The following EGFR variants were observed in gnomAD, a reference collection of about 807,000 sequenced individuals.
The protein encoded by EGFR is epidermal growth factor receptor, also known as avian erythroblastic leukemia viral (v-erb-b) oncogene homolog.
Under a neutral mutation model 143.0 loss-of-function variants are expected in EGFR, and 58 were observed. The observed-to-expected ratio is 0.41, with a 90% confidence interval of 0.33 to 0.50. EGFR has a LOEUF of 0.50. Ranked by LOEUF, EGFR falls within the 20% of genes least tolerant of loss-of-function variation. The pLI is 0.39. For missense variants in EGFR, 1,307 were observed against 1,579.0 expected (o/e 0.83, Z 2.92); for synonymous variants, 613 against 594.4 (o/e 1.03, Z -0.45).
rs2128938765 is a variant in EGFR, at chr7:55,156,816, C to T, written c.1191C>T (p.Thr397=). Residue 397 remains threonine, a synonymous_variant, in exon 10 of 28, where the codon ACC becomes ACT. Coordinates refer to ENST00000275493, the MANE Select transcript of EGFR (RefSeq NM_005228.5). Reference sequence around the variant, plus strand: ...CACAGGAACTGGATATTCTGAAAACCGTAAAGGAAATCACAGGTTTGAGCT... The same window carrying T: ...CACAGGAACTGGATATTCTGAAAACTGTAAAGGAAATCACAGGTTTGAGCT... ...LDPQELDILK[T]VKEITGFLLI... 6.2e-7 allele frequency: 1 copy of T among 1,614,120 alleles called. No homozygotes were observed. Among genetic ancestry groups the T allele is most frequent in the East Asian group, 2.2e-5 (1 of 44,882 alleles).
intron 15 of EGFR, chr7:55,168,650 TA>T: frequency 6.8e-7 from 1 of 1,462,382 alleles, no homozygotes. Context: ...TGGAATTTTA[TA>T]AATATTTTCT....
At chr7:55,191,650 C>G (rs2128964200) in intron 20 of EGFR, 69 bp from the exon 21 acceptor site, 1 of 1,603,644 alleles carries the variant, frequency 6.2e-7, no homozygotes, top group South Asian at 1.1e-5. Flanking sequence ...TGAACATGAC[C>G]CTGAATTCGG....
intron 1 of EGFR, among the ~76,000 whole-genome samples, chr7:55,134,424 T>C (rs912073640): frequency 4.6e-5 from 7 of 152,216 alleles, no homozygotes; most frequent in Admixed American, 3.3e-4. Flanking sequence ...CCAGGTTCAG[T>C]TCCAGGTAAA....
intron 19 of EGFR, among the ~76,000 whole-genome samples, chr7:55,176,252 T>C (rs1295734162): frequency 1.3e-5 from 2 of 152,168 alleles, no homozygotes; most frequent in Non-Finnish European, 2.9e-5. Context: ...AAATGCAGTG[T>C]GAGGAGGGTT....
intron 1 of EGFR, among the ~76,000 whole-genome samples, chr7:55,067,711 G>A (rs902065529): frequency 6.6e-6 from 1 of 151,334 alleles, no homozygotes; most frequent in Non-Finnish European, 1.5e-5. Flanking sequence ...TATATTCAAG[G>A]TGTAGAACAT....
intron 1 of EGFR, among the ~76,000 whole-genome samples, chr7:55,116,503 C>G (rs1381060004): frequency 2.6e-5 from 4 of 151,586 alleles, no homozygotes; most frequent in Non-Finnish European, 5.9e-5. Context: ...TTCAAGTAAA[C>G]TTTCAAGTAT....
intron 15 of EGFR, among the ~76,000 whole-genome samples, chr7:55,165,640 C>T (rs552226961): frequency 1.3e-5 from 2 of 152,284 alleles, no homozygotes; most frequent in East Asian, 3.9e-4. Flanking sequence ...TGCCATGCAC[C>T]GTGTCCCCGG....
At chr7:55,170,792 G>A (rs540824714) in intron 15 of EGFR, 42 of 1,429,776 alleles carry the variant, frequency 2.9e-5, no homozygotes, top group Middle Eastern at 2.6e-4. Context: ...AGCCTTCTCC[G>A]TAATTAGCAT....
At chr7:55,200,481 C>G (rs2128970171) in intron 24 of EGFR, 68 bp downstream of exon 24, 1 of 1,477,226 alleles carries the variant, frequency 6.8e-7, no homozygotes, top group East Asian at 2.3e-5. Context: ...TCACTGTGTT[C>G]TGTCACATGC....
chr7:55,177,914 C>A (rs552252023), intron 19 of EGFR, among the ~76,000 whole-genome samples: 2 of 152,362 alleles, frequency 1.3e-5, no homozygotes, highest in East Asian at 3.9e-4. Context: ...TTAGCTTCTG[C>A]GTACACCGAA....
chr7:55,155,062 G>A (rs17172451), intron 7 of EGFR, among the ~76,000 whole-genome samples: 38,652 of 152,202 alleles, frequency 0.25, 5,164 homozygotes, highest in South Asian at 0.38. Context: ...CTTCGAGCCT[G>A]AGATACCAAG....
intron 1 of EGFR, among the ~76,000 whole-genome samples, chr7:55,115,637 C>T (rs796442316): frequency 1.4e-4 from 22 of 152,314 alleles, no homozygotes; most frequent in African/African-American, 5.3e-4. Flanking sequence ...GCTTCACATT[C>T]CCATCCATGA....
chr7:55,085,770 C>A (rs1239793139), intron 1 of EGFR, among the ~76,000 whole-genome samples: 3 of 152,168 alleles, frequency 2.0e-5, no homozygotes, highest in Admixed American at 6.5e-5. Context: ...TCTGCTGGCA[C>A]TAGGTATTTT....
At chr7:55,117,794 C>T (rs558088915) in intron 1 of EGFR, among the ~76,000 whole-genome samples, 21 of 152,236 alleles carry the variant, frequency 1.4e-4, no homozygotes, top group African/African-American at 4.3e-4. Context: ...GTCAGGGCTG[C>T]GGAAAAGCAT....
chr7:55,154,519 G>A (rs987537009), intron 7 of EGFR, among the ~76,000 whole-genome samples: 1 of 152,282 alleles, frequency 6.6e-6, no homozygotes, highest in Non-Finnish European at 1.5e-5. Flanking sequence ...CCACTGTTTA[G>A]TGCTTGTGCC....
In EGFR at chr7:55,205,301, A is replaced by G. The variant is rs780439043; in HGVS notation, c.3317A>G (p.Gln1106Arg). ...SVPKRPAGSV[Q>R]NPVYHNQPLN... ...CCCAAAAGGCCCGCTGGCTCTGTGCAGAATCCTGTCTATCACAATCAGCCT... is the reference window on the plus strand; with the variant it reads ...CCCAAAAGGCCCGCTGGCTCTGTGCGGAATCCTGTCTATCACAATCAGCCT... The change falls in exon 28 of 28, where the codon CAG becomes CGG. Residue 1106 changes from glutamine (Q) to arginine (R), a missense_variant. Gln to Arg is a conservative substitution (Grantham distance 43). Around this residue, in one of 7 missense-constraint regions of EGFR, gnomAD observed 313 missense variants for 312.3 expected, o/e 1.00. Transcript: ENST00000275493. The G allele has an allele frequency of 3.7e-6, 6 of 1,612,738 alleles. No individual in the cohort carries two copies. The Admixed American group carries it at 6.7e-5, about 18-fold the overall frequency.
At chr7:55,039,979 G>A (rs1254046257) in intron 1 of EGFR, among the ~76,000 whole-genome samples, 2 of 152,190 alleles carry the variant, frequency 1.3e-5, no homozygotes, top group African/African-American at 4.8e-5. Flanking sequence ...TTCTCTTACT[G>A]TTCTCTTCAC....
intron 1 of EGFR, among the ~76,000 whole-genome samples, chr7:55,091,911 G>A (rs1055381274): frequency 1.3e-5 from 2 of 151,682 alleles, no homozygotes; most frequent in Non-Finnish European, 2.9e-5. Flanking sequence ...GAGAAAGAGA[G>A]AGAGATAACT....
Position 55,146,737 on chromosome 7 carries a change from A to G in EGFR, c.556A>G (p.Ser186Gly). 1 of 1,614,212 alleles carries G rather than the reference A, an allele frequency of 6.2e-7. No individual in the cohort carries two copies. The highest frequency in any genetic ancestry group is 1.3e-5 in the African/African-American group (1 of 75,054). The change falls in exon 4 of 28, where the codon AGC becomes GGC. Residue 186 changes from serine to glycine, a missense_variant. Around this residue, in one of 7 missense-constraint regions of EGFR, gnomAD observed 311 missense variants for 412.3 expected, o/e 0.75. Transcript: ENST00000275493. ...MSMDFQNHLGSCQKCDPSCPN... is the reference protein window; with the variant it reads ...MSMDFQNHLGGCQKCDPSCPN... ...GATGGACTTCCAGAACCACCTGGGC[A>G]GCTGTAAGTGTCGCATACACACTAT... is the stretch of plus-strand genomic sequence containing the variant.
Sources: allele counts gnomAD v4.1 joint callset (sites outside exome capture counted in the v4.1 genomes callset), GRCh38; gene constraint gnomAD v4.1.1; regional missense constraint gnomAD v4.1.1; transcripts MANE v1.5; gene names NCBI Gene and HGNC (gene_info 2026-07-23, HGNC 2026-07-21).